Variants in PRMT2 observed in about 807,000 individuals in gnomAD.
PRMT2 encodes the protein protein arginine methyltransferase 2.
PRMT2 carries 26 observed loss-of-function variants against 57.6 expected under a neutral mutation model. The ratio of observed to expected loss-of-function variants is 0.45; its 90% confidence interval spans 0.33 to 0.63. The LOEUF is 0.63. Ranked by LOEUF, PRMT2 falls within the 20% of genes least tolerant of loss-of-function variation. PRMT2 has a pLI of 0.02. For missense variants in PRMT2, 472 were observed against 564.4 expected (o/e 0.84, Z 1.66); for synonymous variants, 219 against 220.0 (o/e 1.00, Z 0.04).
At chr21:46,653,887 G>A in intron 7 of PRMT2, 1 of 1,013,772 alleles carries the variant, frequency 9.9e-7, no homozygotes. Context: ...CTACAACAAT[G>A]CACTTTGTCT....
chr21:46,659,045 G>A lies in PRMT2; in HGVS notation c.830+125G>A, dbSNP rs1417476042. ...ATAAATGAGGGTACCTGTGCACCCAGATAGGACAATCTGTTGTAGCATTGG... is the reference window on the plus strand; with the variant it reads ...ATAAATGAGGGTACCTGTGCACCCAAATAGGACAATCTGTTGTAGCATTGG... On this transcript the variant is annotated intron_variant, in intron 8 of 11. Transcript: ENST00000355680. 7 of 1,451,908 alleles carry A rather than the reference G, an allele frequency of 4.8e-6. No homozygotes were observed. The East Asian group carries it at 1.5e-4, about 31-fold the overall frequency. The allele number at this position is 1,451,908 out of a possible 1,614,324, so 89.9% of individuals were successfully genotyped here.
At chr21:46,660,688 T>C in intron 8 of PRMT2, 145 bp from the exon 9 acceptor site, 1 of 1,031,404 alleles carries the variant, frequency 9.7e-7, no homozygotes, top group Non-Finnish European at 1.4e-6. Flanking sequence ...GCCTGAGGGC[T>C]GCTCTGGGGT....
chr21:46,651,227 T>C (rs913260870), intron 7 of PRMT2, among the ~76,000 whole-genome samples: 5 of 150,992 alleles, frequency 3.3e-5, no homozygotes, highest in African/African-American at 1.2e-4. Context: ...GTGTGGGGGA[T>C]GCAGAGCAGG....
intron 8 of PRMT2, chr21:46,659,329 G>C: frequency 1.0e-6 from 1 of 990,978 alleles, no homozygotes; most frequent in Non-Finnish European, 1.2e-6. Flanking sequence ...GGAGAAATGA[G>C]CAGCAACAAT....
At chr21:46,641,987 A>G (rs898283425) in intron 3 of PRMT2, among the ~76,000 whole-genome samples, 2 of 152,178 alleles carry the variant, frequency 1.3e-5, no homozygotes, top group Non-Finnish European at 2.9e-5. Flanking sequence ...ACGCCTAACC[A>G]CACAAAGAGA....
chr21:46,638,052 A>G (rs1399916581), intron 3 of PRMT2, among the ~76,000 whole-genome samples: 1 of 152,284 alleles, frequency 6.6e-6, no homozygotes, highest in South Asian at 2.1e-4. Context: ...GGCAAACACT[A>G]CTGTGAATCA....
intron 7 of PRMT2, among the ~76,000 whole-genome samples, chr21:46,651,413 C>T (rs983616205): frequency 2.0e-5 from 3 of 149,672 alleles, no homozygotes; most frequent in African/African-American, 7.4e-5. Context: ...ATGTGCAGGG[C>T]CAGCTATTGG....
intron 4 of PRMT2, 74 bp from the exon 5 acceptor site, chr21:46,644,232 G>A (rs2061326893): frequency 7.0e-7 from 1 of 1,424,042 alleles, no homozygotes. Context: ...ACCATTGATG[G>A]GATTTATCAC....
intron 11 of PRMT2, 61 bp from the exon 12 acceptor site, chr21:46,664,234 T>A (rs1569167434): frequency 7.3e-7 from 1 of 1,370,554 alleles, no homozygotes; most frequent in Non-Finnish European, 1.0e-6. Flanking sequence ...CATTAGGAAA[T>A]GTAGTATGTT....
chr21:46,647,474 T>C (rs2148978660), intron 5 of PRMT2, among the ~76,000 whole-genome samples: 2 of 152,304 alleles, frequency 1.3e-5, no homozygotes, highest in African/African-American at 4.8e-5. Flanking sequence ...TTCAGAACTG[T>C]TATGATTCTG....
Position 46,648,662 on chromosome 21 carries a change from CT to C in PRMT2, c.489+44del, listed in dbSNP as rs777047195. ...CGCATCCCGGGTGTTTGTGCCGAGG[CT>C]GGTGACGTCCGAGGTGGCCTCTGAG... On this transcript the variant is annotated intron_variant, in intron 6 of 11. Coordinates refer to ENST00000355680, the MANE Select transcript of PRMT2 (RefSeq NM_206962.4). The surrounding 1 kb of genome is among the most constrained non-coding windows in gnomAD (Gnocchi z 4.8). 5 of 1,599,836 alleles carry C rather than the reference CT, an allele frequency of 3.1e-6. No individual in the cohort carries two copies. Among genetic ancestry groups the C allele is most frequent in the Non-Finnish European group, 4.3e-6 (5 of 1,169,850 alleles).
chr21:46,661,316 CTT>C (rs1258548663), intron 9 of PRMT2: 2 of 174,692 alleles, frequency 1.1e-5, no homozygotes, highest in African/African-American at 4.7e-5. Flanking sequence ...TTAAGCCACT[CTT>C]CATGACAGAA....
chr21:46,654,905 T>G, intron 7 of PRMT2: 1 of 984,770 alleles, frequency 1.0e-6, no homozygotes, highest in Non-Finnish European at 1.2e-6. Flanking sequence ...ATTTTCTTTC[T>G]TCTCCCTCTA....
intron 7 of PRMT2, chr21:46,653,278 G>A (rs1259524644): frequency 1.1e-5 from 11 of 985,206 alleles, no homozygotes; most frequent in African/African-American, 1.0e-4. Flanking sequence ...TGAGCTTAAC[G>A]AAAGTCTTTA....
intron 5 of PRMT2, among the ~76,000 whole-genome samples, 173 bp downstream of exon 5, chr21:46,644,661 G>A (rs2061334025): frequency 6.6e-6 from 1 of 152,174 alleles, no homozygotes. Flanking sequence ...CACACAAAGT[G>A]TGCACTGTTG....
intron 7 of PRMT2, chr21:46,651,857 C>T (rs372698047): frequency 3.8e-5 from 62 of 1,613,016 alleles, no homozygotes; most frequent in Non-Finnish European, 5.1e-5. Context: ...TGCGTCTGGC[C>T]CTCTTCACGT....
At chr21:46,637,084 C>G (rs1286729565) in intron 3 of PRMT2, 94 bp downstream of exon 3, 1 of 1,393,570 alleles carries the variant, frequency 7.2e-7, no homozygotes, top group Non-Finnish European at 1.0e-6. Context: ...TGGAGCTTGG[C>G]TTGTGCCTTG....
intron 7 of PRMT2, chr21:46,653,611 C>CT (rs2061495268): frequency 8.6e-7 from 1 of 1,163,074 alleles, no homozygotes; most frequent in African/African-American, 1.7e-5. Context: ...GGCCCCTTTG[C>CT]TTGATGTTCA....
At chr21:46,647,091 G>C (rs1294428484) in intron 5 of PRMT2, among the ~76,000 whole-genome samples, 1 of 152,172 alleles carries the variant, frequency 6.6e-6, no homozygotes, top group Non-Finnish European at 1.5e-5. Flanking sequence ...ATGATGGTGT[G>C]TGAAAGCTCA....
Sources: allele counts gnomAD v4.1 joint callset (sites outside exome capture counted in the v4.1 genomes callset), GRCh38; gene constraint gnomAD v4.1.1; non-coding constraint Gnocchi (gnomAD v3.1); transcripts MANE v1.5; gene names NCBI Gene and HGNC (gene_info 2026-07-23, HGNC 2026-07-21).